Variants in CMC1 observed in about 807,000 individuals in gnomAD.
CMC1 encodes C-X9-C motif containing 1.
CMC1 carries 14 observed loss-of-function variants against 14.1 expected under a neutral mutation model. That is an observed-to-expected ratio of 0.99 (90% CI 0.66 to 1.55). The LOEUF (loss-of-function observed/expected upper bound fraction) is 1.55. Among genes scored for constraint, CMC1 ranks in the 40% most tolerant of loss-of-function variants. CMC1 has a pLI of 0.00. For synonymous variants in CMC1, 50 were observed against 38.4 expected (o/e 1.30, Z -1.12); for missense variants, 127 against 123.8 (o/e 1.03, Z -0.12).
At chr3:28,255,176 C>T (rs1045548693) in intron 1 of CMC1, among the ~76,000 whole-genome samples, 6 of 152,084 alleles carry the variant, frequency 3.9e-5, no homozygotes, top group African/African-American at 1.4e-4. Flanking sequence ...GGACCTCCCT[C>T]TGAATTTGTC....
rs942326149 is a variant in CMC1, at chr3:28,269,714, C to T, written c.109+6334C>T. On this transcript the variant is annotated intron_variant, in intron 2 of 3. Transcript: ENST00000466830. ...CCAAGTAACTGGGACTACAGGCGCACGCCATGACGCCTCGCTAATGTTTGT... is the reference window on the plus strand; with the variant it reads ...CCAAGTAACTGGGACTACAGGCGCATGCCATGACGCCTCGCTAATGTTTGT... Among the ~76,000 whole-genome samples the T allele has an allele frequency of 1.2e-4, 19 of 152,214 alleles. No homozygotes were observed. The East Asian group carries it at 3.3e-3, about 26-fold the overall frequency.
chr3:28,269,797 C>T (rs1001469207), intron 2 of CMC1, among the ~76,000 whole-genome samples: 4 of 152,206 alleles, frequency 2.6e-5, no homozygotes, highest in Admixed American at 6.5e-5. Flanking sequence ...AACTCCTGAC[C>T]TCAGGTGATC....
At chr3:28,286,631 T>C (rs1040206527) in intron 2 of CMC1, among the ~76,000 whole-genome samples, 1 of 152,232 alleles carries the variant, frequency 6.6e-6, no homozygotes, top group South Asian at 2.1e-4. Flanking sequence ...AATGATATTT[T>C]GCATTAGTGA....
chr3:28,284,371 A>G (rs1241235916), intron 2 of CMC1, among the ~76,000 whole-genome samples: 1 of 152,196 alleles, frequency 6.6e-6, no homozygotes, highest in Non-Finnish European at 1.5e-5. Flanking sequence ...TTGCCTGTAC[A>G]ATCGATGTGT....
chr3:28,321,723 T>C lies in CMC1; in HGVS notation c.*2094T>C, dbSNP rs1304683496. 2 of 151,350 alleles carry C rather than the reference T, an allele frequency of 1.3e-5. No individual in the cohort carries two copies. The highest frequency in any genetic ancestry group is 1.3e-4 in the Admixed American group (2 of 15,116). The allele number at this position is 151,350 out of a possible 1,614,324, so 9.4% of individuals were successfully genotyped here. On this transcript the variant is annotated 3_prime_UTR_variant, in exon 4 of 4. Coordinates refer to ENST00000466830, the MANE Select transcript of CMC1 (RefSeq NM_182523.2). ...TCAAGTCTGAATTTTCCCATTTATT[T>C]TGGTTTTCTAATGTTTCACATAGGC...
At chr3:28,277,615 A>G (rs1411886200) in intron 2 of CMC1, among the ~76,000 whole-genome samples, 1 of 152,192 alleles carries the variant, frequency 6.6e-6, no homozygotes, top group Non-Finnish European at 1.5e-5. Context: ...TGCAGTTTCT[A>G]ATACGTGATC....
At chr3:28,262,595 G>T (rs1023897585) in intron 1 of CMC1, among the ~76,000 whole-genome samples, 1 of 152,060 alleles carries the variant, frequency 6.6e-6, no homozygotes, top group Non-Finnish European at 1.5e-5. Context: ...ATACTCTATA[G>T]TAATATGATT....
chr3:28,296,122 C>T (rs1390470719), intron 2 of CMC1, among the ~76,000 whole-genome samples: 1 of 152,016 alleles, frequency 6.6e-6, no homozygotes, highest in Non-Finnish European at 1.5e-5. Flanking sequence ...TACTCTCTTC[C>T]CCCAGCTGTT....
chr3:28,265,544 G>A (rs1699963409), intron 2 of CMC1, among the ~76,000 whole-genome samples: 1 of 151,940 alleles, frequency 6.6e-6, no homozygotes, highest in Non-Finnish European at 1.5e-5. Context: ...AAAGATACAG[G>A]AATTTTAATA....
At chr3:28,290,008 G>T (rs1412748562) in intron 2 of CMC1, among the ~76,000 whole-genome samples, 2 of 151,996 alleles carry the variant, frequency 1.3e-5, no homozygotes, top group Non-Finnish European at 2.9e-5. Context: ...TCCATTACAA[G>T]AAAACATATG....
chr3:28,265,554 A>T (rs1344743838), intron 2 of CMC1, among the ~76,000 whole-genome samples: 1 of 152,110 alleles, frequency 6.6e-6, no homozygotes, highest in Non-Finnish European at 1.5e-5. Flanking sequence ...GAATTTTAAT[A>T]AGTGATCTGA....
Position 28,321,840 on chromosome 3 carries a change from G to GAGGA in CMC1, c.*2217_*2220dup, listed in dbSNP as rs1217238303. On this transcript the variant is annotated 3_prime_UTR_variant, in exon 4 of 4. Coordinates refer to ENST00000466830, the MANE Select transcript of CMC1 (RefSeq NM_182523.2). ...TTTACTTTAGCTAATAAGGGAGCAA[G>GAGGA]AGGAAGGAATAGGTGGCTTTTTGTT... 2 of 151,354 alleles carry GAGGA rather than the reference G, an allele frequency of 1.3e-5. No homozygotes were observed. The highest frequency in any genetic ancestry group is 6.6e-5 in the Admixed American group (1 of 15,116). The allele number at this position is 151,354 out of a possible 1,614,324, so 9.4% of individuals were successfully genotyped here.
chr3:28,311,716 T>A (rs1702648535), intron 2 of CMC1, among the ~76,000 whole-genome samples: 1 of 152,168 alleles, frequency 6.6e-6, no homozygotes, highest in Non-Finnish European at 1.5e-5. Flanking sequence ...ACTACAGAAG[T>A]CCTCACATAA....
chr3:28,244,076 A>G (rs1429411557), intron 1 of CMC1, among the ~76,000 whole-genome samples: 1 of 152,184 alleles, frequency 6.6e-6, no homozygotes, highest in Non-Finnish European at 1.5e-5. Context: ...AGATATTGGG[A>G]AAGTAGGTAG....
intron 2 of CMC1, among the ~76,000 whole-genome samples, chr3:28,313,409 G>A (rs1220593320): frequency 6.6e-6 from 1 of 152,014 alleles, no homozygotes; most frequent in Non-Finnish European, 1.5e-5. Context: ...GTTTTTAATA[G>A]TAATTAAAAT....
chr3:28,294,716 GTTCT>G (rs1172991975), intron 2 of CMC1, among the ~76,000 whole-genome samples: 3 of 151,984 alleles, frequency 2.0e-5, no homozygotes, highest in African/African-American at 7.2e-5. Context: ...TTAACTTGTG[GTTCT>G]TTATTTTTTC....
chr3:28,311,745 A>G (rs1702649352), intron 2 of CMC1, among the ~76,000 whole-genome samples: 1 of 152,226 alleles, frequency 6.6e-6, no homozygotes, highest in African/African-American at 2.4e-5. Flanking sequence ...TTTTCTTGAG[A>G]AAATTTATTT....
In CMC1 at chr3:28,291,532, G is replaced by A. The variant is rs559174079; in HGVS notation, c.110-24801G>A. On this transcript the variant is annotated intron_variant, in intron 2 of 3. Transcript: ENST00000466830. ...TTTATCTCTTCTGTCATCTCACTCT[G>A]TTTTATCAACTATTCCTTGAAGTCT... 2.0e-4 allele frequency among the ~76,000 whole-genome samples: 31 copies of A among 152,152 alleles called. 2 individuals are homozygous for A. The highest frequency in any genetic ancestry group is 1.2e-3 in the South Asian group (6 of 4,822).
intron 2 of CMC1, among the ~76,000 whole-genome samples, chr3:28,274,476 G>A (rs113351834): frequency 0.01 from 1,556 of 152,114 alleles, 10 homozygotes; most frequent in Non-Finnish European, 0.016. Flanking sequence ...TTTGCTGAGA[G>A]GTCCACTGTT....
Sources: gnomAD v4.1 joint callset for allele counts (sites outside exome capture counted in the v4.1 genomes callset) on GRCh38, gnomAD v4.1.1 for gene constraint, MANE v1.5 for transcripts, NCBI Gene and HGNC (gene_info 2026-07-23, HGNC 2026-07-21) for gene names.